The following SGK3 variants were observed in gnomAD, a reference collection of about 807,000 sequenced individuals.
SGK3 encodes serine/threonine-protein kinase Sgk3.
SGK3 carries 47 observed loss-of-function variants against 68.5 expected under a neutral mutation model. That is an observed-to-expected ratio of 0.69 (90% confidence interval 0.54 to 0.87). The LOEUF is 0.87. SGK3 is among the 40% of genes least tolerant of loss of function. The pLI, the probability that SGK3 is intolerant of heterozygous loss-of-function variation, is 0.00. For missense variants in SGK3, 479 were observed against 575.5 expected (o/e 0.83, Z 1.72); for synonymous variants, 181 against 189.1 (o/e 0.96, Z 0.35).
At chr8:66,839,870 A>T in intron 10 of SGK3, 133 bp from the exon 11 acceptor site, 3 of 776,770 alleles carry the variant, frequency 3.9e-6, no homozygotes, top group South Asian at 2.1e-5. Context: ...GTGCCTTGTT[A>T]ACATTTTTAG....
intron 4 of SGK3, among the ~76,000 whole-genome samples, chr8:66,805,865 C>T (rs1199240284): frequency 6.6e-6 from 1 of 152,134 alleles, no homozygotes; most frequent in Admixed American, 6.5e-5. Flanking sequence ...AGATCTTGGT[C>T]ACTACTCAAG....
intron 1 of SGK3, among the ~76,000 whole-genome samples, chr8:66,739,696 G>A (rs918676132): frequency 1.7e-4 from 26 of 152,002 alleles, no homozygotes; most frequent in African/African-American, 5.6e-4. Context: ...GTACCCAGCC[G>A]ACACTGGGTA....
Position 66,793,719 on chromosome 8 carries a change from G to A in SGK3, c.-18G>A. 6.2e-7 allele frequency: 1 copy of A among 1,604,856 alleles called. No homozygotes were observed. Among genetic ancestry groups the A allele is most frequent in the Non-Finnish European group, 8.5e-7 (1 of 1,175,288 alleles). ...TGTTTCTTCGGATGCATTTTTTGGTGTGCTCTTGAGGGATTAAATGCAAAG... is the reference window on the plus strand; with the variant it reads ...TGTTTCTTCGGATGCATTTTTTGGTATGCTCTTGAGGGATTAAATGCAAAG... On this transcript the variant is annotated 5_prime_UTR_variant, in exon 2 of 17. In the 5' UTR this introduces an upstream ATG that the reference lacks. Transcript: ENST00000521198.
At chr8:66,747,269 C>T (rs1014881893) in intron 1 of SGK3, among the ~76,000 whole-genome samples, 3 of 152,090 alleles carry the variant, frequency 2.0e-5, no homozygotes, top group African/African-American at 7.2e-5. Context: ...TATTCCCTAA[C>T]CTCATTTTAA....
chr8:66,814,132 C>T (rs762580791), intron 5 of SGK3, among the ~76,000 whole-genome samples: 3 of 151,964 alleles, frequency 2.0e-5, no homozygotes, highest in Non-Finnish European at 2.9e-5. Flanking sequence ...TTTGTACTTG[C>T]ATTAGTTTTA....
chr8:66,769,258 C>T (rs1370892755), intron 1 of SGK3, among the ~76,000 whole-genome samples: 13 of 152,148 alleles, frequency 8.5e-5, no homozygotes, highest in Admixed American at 8.5e-4. Context: ...GAGTCTCACT[C>T]TGTTGCCCAA....
rs1439849819 is a variant in SGK3, at chr8:66,822,471, A to C, written c.417+12A>C. On this transcript the variant is annotated intron_variant, in intron 6 of 16. Transcript: ENST00000521198. ...GAAGTTCTCAGAAGGTAGTAAGAGG[A>C]ATTGCCTTTCTTAATAGAAAAAATA... 1 of 1,606,298 alleles carries C rather than the reference A, an allele frequency of 6.2e-7. No homozygotes were observed. The highest frequency in any genetic ancestry group is 2.2e-5 in the East Asian group (1 of 44,674).
At chr8:66,839,502 T>G (rs868485295) in intron 10 of SGK3, among the ~76,000 whole-genome samples, 27 of 5,768 alleles carry the variant, frequency 4.7e-3, no homozygotes, top group South Asian at 5.9e-3. Flanking sequence ...TATGGAGATA[T>G]ATATATATAT....
chr8:66,728,411 C>T (rs926827925), intron 1 of SGK3, among the ~76,000 whole-genome samples: 1 of 151,876 alleles, frequency 6.6e-6, no homozygotes, highest in Non-Finnish European at 1.5e-5. Flanking sequence ...ACTACAATCT[C>T]CACCTCCCGG....
chr8:66,822,436 G>A lies in SGK3; in HGVS notation c.394G>A (p.Glu132Lys). The A allele has an allele frequency of 2.5e-6, 4 of 1,611,664 alleles. No homozygotes were observed. The highest frequency in any genetic ancestry group is 3.4e-6 in the Non-Finnish European group (4 of 1,178,792). ...ACACCAGTCAGATCCATCTGAAGAT[G>A]AGGATGAAAGAAGTTCTCAGAAGGT... ...PKHQSDPSED[E>K]DERSSQKLHS... The change falls in exon 6 of 17, where the codon GAG becomes AAG. Residue 132 changes from glutamate to lysine, a missense_variant. By Grantham distance (56) the Glu-to-Lys change is moderately conservative. Transcript: ENST00000521198.
intron 1 of SGK3, among the ~76,000 whole-genome samples, chr8:66,755,719 G>A (rs1180818871): frequency 2.0e-5 from 3 of 152,162 alleles, no homozygotes; most frequent in Admixed American, 2.0e-4. Context: ...CATGACAGAC[G>A]CAGTCCCTGC....
At chr8:66,795,586 G>T (rs928980097) in intron 2 of SGK3, among the ~76,000 whole-genome samples, 1 of 152,142 alleles carries the variant, frequency 6.6e-6, no homozygotes, top group African/African-American at 2.4e-5. Flanking sequence ...AATGTCAGCA[G>T]CAGTTATCTC....
chr8:66,854,381 G>T (rs2163403), intron 16 of SGK3, among the ~76,000 whole-genome samples: 1 of 152,142 alleles, frequency 6.6e-6, no homozygotes, highest in South Asian at 2.1e-4. Context: ...GTATAGCATA[G>T]AAAATAATCC....
chr8:66,837,625 A>G (rs751615300), intron 10 of SGK3, among the ~76,000 whole-genome samples: 9 of 152,144 alleles, frequency 5.9e-5, no homozygotes, highest in African/African-American at 2.2e-4. Context: ...TACAAAAAAA[A>G]TAACAAAAAT....
chr8:66,805,808 G>C (rs1011232351), intron 4 of SGK3, among the ~76,000 whole-genome samples: 2 of 152,134 alleles, frequency 1.3e-5, no homozygotes, highest in African/African-American at 4.8e-5. Context: ...CTTGTAACTG[G>C]TTAAACTGAT....
chr8:66,823,135 G>A (rs1808913681), intron 6 of SGK3, among the ~76,000 whole-genome samples: 2 of 152,070 alleles, frequency 1.3e-5, no homozygotes, highest in South Asian at 2.1e-4. Flanking sequence ...ATTATGCAGT[G>A]TATACAGTTT....
intron 10 of SGK3, among the ~76,000 whole-genome samples, chr8:66,839,522 T>G (rs1373297823): frequency 5.4e-5 from 3 of 55,858 alleles, no homozygotes; most frequent in Non-Finnish European, 1.1e-4. Flanking sequence ...TATATATATA[T>G]ATATATATAT....
At chr8:66,821,661 C>T (rs563968635) in intron 5 of SGK3, among the ~76,000 whole-genome samples, 74 of 149,982 alleles carry the variant, frequency 4.9e-4, no homozygotes, top group South Asian at 1.5e-3. Context: ...TACAGGTGTC[C>T]GCCACCACGC....
intron 1 of SGK3, among the ~76,000 whole-genome samples, chr8:66,779,561 AAT>A (rs200618083): frequency 0.13 from 11,675 of 88,844 alleles, 558 homozygotes; most frequent in East Asian, 0.18. Flanking sequence ...TATGTGTGTG[AAT>A]ATATATATAT....
Sources: gnomAD v4.1 joint callset for allele counts (sites outside exome capture counted in the v4.1 genomes callset) on GRCh38, gnomAD v4.1.1 for gene constraint, MANE v1.5 for transcripts, NCBI Gene and HGNC (gene_info 2026-07-23, HGNC 2026-07-21) for gene names.